Variants in LRP1B observed in about 807,000 individuals in gnomAD.
LRP1B encodes the protein LDL receptor related protein 1B, also known as low-density lipoprotein receptor-related protein 1B.
A neutral mutation model predicts 556.6 loss-of-function variants in LRP1B; 217 were observed. The ratio of observed to expected loss-of-function variants is 0.39; its 90% CI spans 0.35 to 0.44. The LOEUF (loss-of-function observed/expected upper bound fraction) is 0.44. Among genes scored for constraint, LRP1B ranks in the 20% least tolerant of loss-of-function variants. The pLI is 1.00. For synonymous variants in LRP1B, 2,047 were observed against 1,865.8 expected (o/e 1.10, Z -2.50); for missense variants, 5,053 against 5,620.8 (o/e 0.90, Z 3.23).
intron 1 of LRP1B, among the ~76,000 whole-genome samples, chr2:142,115,489 A>AT (rs373166529): frequency 0.32 from 22,884 of 70,440 alleles, 5,176 homozygotes; most frequent in East Asian, 0.53. Flanking sequence ...TATAATATAT[A>AT]ATTATATATA....
At chr2:140,253,828 AAGT>A (rs1430688500) in intron 86 of LRP1B, among the ~76,000 whole-genome samples, 1 of 152,152 alleles carries the variant, frequency 6.6e-6, no homozygotes, top group East Asian at 1.9e-4. Flanking sequence ...GAAGACATAA[AAGT>A]AGGCCATTAC....
intron 2 of LRP1B, among the ~76,000 whole-genome samples, chr2:141,762,732 A>G (rs950890019): frequency 1.3e-5 from 2 of 152,166 alleles, no homozygotes; most frequent in African/African-American, 2.4e-5. Context: ...AAGAAGGGTC[A>G]TTACTTGCGT....
intron 12 of LRP1B, among the ~76,000 whole-genome samples, chr2:141,016,833 C>G (rs1697913487): frequency 6.6e-6 from 1 of 151,946 alleles, no homozygotes; most frequent in Admixed American, 6.6e-5. Context: ...AGCTGCTGAC[C>G]CTTGAAATAC....
At chr2:142,031,420 T>A (rs1294725845) in intron 1 of LRP1B, among the ~76,000 whole-genome samples, 1 of 129,980 alleles carries the variant, frequency 7.7e-6, no homozygotes, top group Non-Finnish European at 1.7e-5. Context: ...TGTGCCATGC[T>A]GGTGCGCTGC....
chr2:141,963,653 A>C (rs1241309961), intron 1 of LRP1B, among the ~76,000 whole-genome samples: 1 of 151,176 alleles, frequency 6.6e-6, no homozygotes, highest in Non-Finnish European at 1.5e-5. Flanking sequence ...AATGGGCAAA[A>C]ACTGGAAGCA....
intron 6 of LRP1B, among the ~76,000 whole-genome samples, chr2:141,219,145 C>T (rs1346302253): frequency 6.6e-6 from 1 of 152,186 alleles, no homozygotes; most frequent in Non-Finnish European, 1.5e-5. Flanking sequence ...GAGAGCTGTG[C>T]AATCCAATCG....
Position 140,716,710 on chromosome 2 carries a change from C to T in LRP1B, c.5865G>A (p.Val1955=), listed in dbSNP as rs749465150. ...EDIITNGLGR[V]EGIAVDWIAG... ...CAATCCAGTCAACAGCTATCCCTTC[C>T]ACTCTTCCCAAGCCATTGGTAATGA... Residue 1955 remains valine (V), a synonymous_variant, in exon 36 of 91, where the codon GTG becomes GTA. Coordinates refer to ENST00000389484, the MANE Select transcript of LRP1B (RefSeq NM_018557.3). 36 of 1,611,614 alleles carry T rather than the reference C, an allele frequency of 2.2e-5. No homozygotes were observed. The highest frequency in any genetic ancestry group is 3.0e-5 in the Non-Finnish European group (35 of 1,178,664).
intron 2 of LRP1B, among the ~76,000 whole-genome samples, chr2:141,601,497 C>G (rs558145855): frequency 2.0e-5 from 3 of 152,148 alleles, no homozygotes; most frequent in Non-Finnish European, 4.4e-5. Flanking sequence ...ACAATACTAA[C>G]GTTAACTGTA....
intron 11 of LRP1B, among the ~76,000 whole-genome samples, chr2:141,023,004 T>C (rs548262002): frequency 6.6e-6 from 1 of 151,900 alleles, no homozygotes; most frequent in African/African-American, 2.4e-5. Flanking sequence ...TTTGTACTTC[T>C]TAAGAAAAAA....
In LRP1B at chr2:141,908,460, G is replaced by GA. The variant is rs201764946; in HGVS notation, c.83-98060dup. ...TCATGGATCTCACACTGTAATTGTG[G>GA]AAAAAAAAACAGAGAAAAACCATAT... On this transcript the variant is annotated intron_variant, in intron 1 of 90. Coordinates refer to ENST00000389484, the MANE Select transcript of LRP1B (RefSeq NM_018557.3). Among the ~76,000 whole-genome samples the GA allele has an allele frequency of 2.5e-3, 371 of 150,314 alleles. 2 individuals carry two copies. Among genetic ancestry groups the GA allele is most frequent in the African/African-American group, 8.2e-3 (336 of 41,052 alleles).
chr2:141,489,112 CTTTT>C (rs70994433), intron 2 of LRP1B, among the ~76,000 whole-genome samples: 2 of 76,072 alleles, frequency 2.6e-5, no homozygotes, highest in African/African-American at 1.2e-4. Flanking sequence ...TGATGCTTGG[CTTTT>C]TTTTTTTTTT....
chr2:140,486,843 T>C (rs1001078875), intron 58 of LRP1B, among the ~76,000 whole-genome samples: 2 of 151,888 alleles, frequency 1.3e-5, no homozygotes, highest in African/African-American at 4.8e-5. Flanking sequence ...TCCAGCTTAC[T>C]ATTTGTTTCA....
At chr2:140,929,179 C>T (rs1402812325) in intron 20 of LRP1B, among the ~76,000 whole-genome samples, 2 of 152,026 alleles carry the variant, frequency 1.3e-5, no homozygotes, top group Non-Finnish European at 2.9e-5. Flanking sequence ...ATATTTTTTG[C>T]ATTTGAAAAG....
intron 2 of LRP1B, among the ~76,000 whole-genome samples, chr2:141,684,742 A>C (rs940941397): frequency 1.4e-4 from 22 of 152,086 alleles, no homozygotes; most frequent in African/African-American, 5.3e-4. Context: ...CCTCTTGACT[A>C]ATGGAGCAAA....
intron 10 of LRP1B, among the ~76,000 whole-genome samples, chr2:141,050,663 C>T (rs1574022110): frequency 2.6e-5 from 4 of 151,900 alleles, no homozygotes; most frequent in African/African-American, 9.7e-5. Flanking sequence ...AAATGTAAAC[C>T]AAAACCATAA....
intron 2 of LRP1B, among the ~76,000 whole-genome samples, chr2:141,583,931 G>T (rs1173562469): frequency 1.3e-5 from 2 of 151,240 alleles, no homozygotes; most frequent in African/African-American, 4.9e-5. Context: ...GTAGCGATGG[G>T]GTTTCACTGT....
chr2:140,924,715 A>T (rs1187179105), intron 20 of LRP1B, among the ~76,000 whole-genome samples: 1 of 152,076 alleles, frequency 6.6e-6, no homozygotes, highest in African/African-American at 2.4e-5. Flanking sequence ...AAAATCAAAA[A>T]CTTTATTTTT....
intron 52 of LRP1B, 28 bp downstream of exon 52, chr2:140,509,900 G>C (rs528929556): frequency 2.5e-6 from 4 of 1,593,000 alleles, no homozygotes; most frequent in Non-Finnish European, 3.4e-6. Context: ...AGTTTTCTTT[G>C]ACATGCAGCC....
intron 60 of LRP1B, among the ~76,000 whole-genome samples, chr2:140,458,957 T>G (rs1687211106): frequency 6.6e-6 from 1 of 152,012 alleles, no homozygotes; most frequent in African/African-American, 2.4e-5. Flanking sequence ...CTGAATACTT[T>G]CATAATATAA....
Sources: allele counts gnomAD v4.1 joint callset (sites outside exome capture counted in the v4.1 genomes callset), GRCh38; gene constraint gnomAD v4.1.1; transcripts MANE v1.5; gene names NCBI Gene and HGNC (gene_info 2026-07-23, HGNC 2026-07-21).